Variants in SLIT1 observed in about 807,000 individuals in gnomAD.
SLIT1 encodes the protein slit guidance ligand 1, also known as slit homolog 1 protein.
SLIT1 carries 66 observed loss-of-function variants against 186.1 expected under a neutral mutation model. That is an observed-to-expected ratio of 0.35 (90% CI 0.29 to 0.44). The LOEUF is 0.44. Among genes scored for constraint, SLIT1 ranks in the 20% least tolerant of loss-of-function variants. The pLI, the probability that SLIT1 is intolerant of heterozygous loss-of-function variation, is 1.00. For synonymous variants in SLIT1, 761 were observed against 833.8 expected (o/e 0.91, Z 1.50); for missense variants, 1,638 against 2,037.4 (o/e 0.80, Z 3.77).
chr10:97,025,096 C>T (rs368904814), intron 25 of SLIT1, among the ~76,000 whole-genome samples: 1 of 152,190 alleles, frequency 6.6e-6, no homozygotes, highest in African/African-American at 2.4e-5. Flanking sequence ...ATGGTGAAAC[C>T]TTGTCTCTAT....
At chr10:97,003,912 G>A (rs185042098) in intron 34 of SLIT1, among the ~76,000 whole-genome samples, 156 bp downstream of exon 34, 2 of 152,306 alleles carry the variant, frequency 1.3e-5, no homozygotes, top group Admixed American at 1.3e-4. Flanking sequence ...AGAGCAGCTG[G>A]GCTCCAGGCA....
At position 97,060,108 on chromosome 10, in the gene SLIT1, G is replaced by T; in HGVS notation, c.992C>A (p.Pro331His). The change falls in exon 10 of 37, where the codon CCC (proline) becomes CAC (histidine). Residue 331 changes from proline to histidine, a missense_variant. This residue lies in a region of SLIT1 where 1,245 missense variants were observed against 1,535.3 expected (regional missense o/e 0.81). Coordinates refer to ENST00000266058, the MANE Select transcript of SLIT1 (RefSeq NM_003061.3). ...IKSIPPGAFS[P>H]YRKLRRIDLS... ...TCACATCCTCCGTAGCTTTCTGTAG[G>T]GTGAGAAGGCTCCAGGAGGGATGGA... 1 of 1,613,868 alleles carries T rather than the reference G, an allele frequency of 6.2e-7. No individual in the cohort carries two copies. Among genetic ancestry groups the T allele is most frequent in the South Asian group, 1.1e-5 (1 of 91,082 alleles).
chr10:97,004,422 T>G lies in SLIT1; in HGVS notation c.3711-200A>C, dbSNP rs1848340936. 6.6e-6 allele frequency among the ~76,000 whole-genome samples: 1 copy of G among 152,128 alleles called. No homozygotes were observed. The highest frequency in any genetic ancestry group is 2.1e-4 in the South Asian group (1 of 4,828). On this transcript the variant is annotated intron_variant, in intron 33 of 36. Coordinates refer to ENST00000266058, the MANE Select transcript of SLIT1 (RefSeq NM_003061.3). This position sits in a 1 kb window ranked among gnomAD's most constrained non-coding sequence, Gnocchi z 5.1. ...ACTCCCTGGGGAAGGCTGAGAGGTT[T>G]GAGGCAGGGGTCTCAAACTTACAAG...
chr10:97,087,195 A>C (rs539106638), intron 4 of SLIT1, among the ~76,000 whole-genome samples: 2 of 145,542 alleles, frequency 1.4e-5, no homozygotes, highest in Non-Finnish European at 1.5e-5. Context: ...GCCCAGCCCC[A>C]CACACAGCTG....
chr10:97,098,816 A>G (rs1213459503), intron 4 of SLIT1, among the ~76,000 whole-genome samples: 1 of 152,184 alleles, frequency 6.6e-6, no homozygotes, highest in African/African-American at 2.4e-5. Context: ...CCAATTCCCA[A>G]ATGGAGGGAT....
intron 4 of SLIT1, among the ~76,000 whole-genome samples, chr10:97,105,727 G>A (rs998890431): frequency 1.3e-5 from 2 of 152,330 alleles, no homozygotes; most frequent in East Asian, 1.9e-4. Flanking sequence ...AACTTGAGGT[G>A]AAAATGGGGC....
In SLIT1 at chr10:97,001,110, C is replaced by T. The variant is rs756060875; in HGVS notation, c.*2G>A. ...CCCTCACCGGCCTGTCCACGCCCAG[C>T]GCTATGCGCAGAGGGCACAGCCACA... On this transcript the variant is annotated 3_prime_UTR_variant, in exon 37 of 37. Transcript: ENST00000266058. 2.5e-5 allele frequency: 41 copies of T among 1,610,224 alleles called. No homozygotes were observed. The highest frequency in any genetic ancestry group is 8.0e-5 in the African/African-American group (6 of 74,900).
At chr10:97,034,612 T>C in intron 22 of SLIT1, 70 bp from the exon 23 acceptor site, 1 of 1,363,556 alleles carries the variant, frequency 7.3e-7, no homozygotes, top group Non-Finnish European at 1.0e-6. Flanking sequence ...ACGGGCTTCT[T>C]CCCCTCCCTC....
At chr10:97,088,223 C>G (rs1268929799) in intron 4 of SLIT1, among the ~76,000 whole-genome samples, 2 of 152,038 alleles carry the variant, frequency 1.3e-5, no homozygotes, top group African/African-American at 4.8e-5. Context: ...TCATTCTACA[C>G]GTATGATCTC....
At chr10:97,020,243 G>A (rs1848490708) in intron 26 of SLIT1, among the ~76,000 whole-genome samples, 1 of 152,126 alleles carries the variant, frequency 6.6e-6, no homozygotes. Flanking sequence ...AGAGTGCTAG[G>A]ATTACAGGTG....
intron 24 of SLIT1, 28 bp from the exon 25 acceptor site, chr10:97,030,856 T>C: frequency 6.3e-7 from 1 of 1,599,396 alleles, no homozygotes; most frequent in Non-Finnish European, 8.6e-7. Context: ...TGCTGGTGCC[T>C]TATCCAGGGA....
chr10:97,161,198 T>C (rs971876311), intron 3 of SLIT1, among the ~76,000 whole-genome samples: 1 of 152,194 alleles, frequency 6.6e-6, no homozygotes, highest in African/African-American at 2.4e-5. Context: ...CCCCAGACCC[T>C]TTCCCTCCTC....
intron 4 of SLIT1, among the ~76,000 whole-genome samples, chr10:97,084,260 C>G (rs1849134567): frequency 6.6e-6 from 1 of 152,210 alleles, no homozygotes; most frequent in Admixed American, 6.5e-5. Flanking sequence ...GAGAATAGCT[C>G]CCACAGCCAT....
intron 1 of SLIT1, among the ~76,000 whole-genome samples, chr10:97,182,751 A>T (rs758589664): frequency 6.6e-6 from 1 of 152,176 alleles, no homozygotes; most frequent in Non-Finnish European, 1.5e-5. Flanking sequence ...TGGCCAGAGC[A>T]TGTTTCAGCC....
chr10:97,177,898 C>G (rs1850278052), intron 1 of SLIT1, among the ~76,000 whole-genome samples: 1 of 152,102 alleles, frequency 6.6e-6, no homozygotes, highest in African/African-American at 2.4e-5. Flanking sequence ...ATCACTTGAA[C>G]CCGGGAGGTG....
At chr10:97,122,886 A>G (rs866667255) in intron 4 of SLIT1, among the ~76,000 whole-genome samples, 9 of 152,036 alleles carry the variant, frequency 5.9e-5, no homozygotes, top group African/African-American at 1.7e-4. Flanking sequence ...CAGCAGCTCT[A>G]TATTTCACCT....
chr10:97,125,065 AG>A (rs1363347844), intron 4 of SLIT1, among the ~76,000 whole-genome samples: 1 of 152,230 alleles, frequency 6.6e-6, no homozygotes, highest in Admixed American at 6.5e-5. Context: ...AAAAATGTCA[AG>A]AATGTTCAAT....
At chr10:97,121,522 C>G (rs923384483) in intron 4 of SLIT1, among the ~76,000 whole-genome samples, 2 of 152,196 alleles carry the variant, frequency 1.3e-5, no homozygotes, top group African/African-American at 4.8e-5. Flanking sequence ...CATTATTAAC[C>G]TATTTACAGA....
At chr10:97,141,911 G>A (rs1357528117) in intron 4 of SLIT1, among the ~76,000 whole-genome samples, 1 of 152,044 alleles carries the variant, frequency 6.6e-6, no homozygotes, top group East Asian at 1.9e-4. Flanking sequence ...TCCTGCTTCA[G>A]CCCTCCAGCC....
Sources: allele counts gnomAD v4.1 joint callset (sites outside exome capture counted in the v4.1 genomes callset), GRCh38; gene constraint gnomAD v4.1.1; regional missense constraint gnomAD v4.1.1; non-coding constraint Gnocchi (gnomAD v3.1); transcripts MANE v1.5; gene names NCBI Gene and HGNC (gene_info 2026-07-23, HGNC 2026-07-21).